The following TMEM74 variants were observed in gnomAD, a reference collection of about 807,000 sequenced individuals.
TMEM74 encodes the protein transmembrane protein 74.
A neutral mutation model predicts 18.1 loss-of-function variants in TMEM74; 13 were observed. The ratio of observed to expected loss-of-function variants is 0.72; its 90% CI spans 0.47 to 1.14. The LOEUF is 1.14. TMEM74 is among the 50% of genes most tolerant of loss of function. TMEM74 has a pLI of 0.00. For synonymous variants in TMEM74, 159 were observed against 146.6 expected (o/e 1.08, Z -0.61); for missense variants, 372 against 375.9 (o/e 0.99, Z 0.09).
intron 2 of TMEM74, among the ~76,000 whole-genome samples, chr8:108,645,928 G>A (rs1424464201): frequency 1.3e-5 from 2 of 152,112 alleles, no homozygotes; most frequent in East Asian, 3.9e-4. Flanking sequence ...GATTTAAATA[G>A]GTTGAATTGT....
chr8:108,688,362 G>T (rs549739875), intron 1 of TMEM74, among the ~76,000 whole-genome samples: 2 of 152,300 alleles, frequency 1.3e-5, no homozygotes, highest in South Asian at 4.2e-4. Flanking sequence ...CACAACTCAT[G>T]TTCACGCTCA....
At chr8:108,682,652 G>A (rs1265876072) in intron 1 of TMEM74, among the ~76,000 whole-genome samples, 1 of 151,906 alleles carries the variant, frequency 6.6e-6, no homozygotes, top group African/African-American at 2.4e-5. Flanking sequence ...GATTTCAAAA[G>A]CTCTATCCAC....
At chr8:108,640,295 G>T (rs1283256124) in intron 2 of TMEM74, among the ~76,000 whole-genome samples, 1 of 151,472 alleles carries the variant, frequency 6.6e-6, no homozygotes, top group East Asian at 1.9e-4. Flanking sequence ...TGTGTTTTTA[G>T]TAGAGACAGG....
chr8:108,626,059 T>C (rs1428965877), intron 2 of TMEM74, among the ~76,000 whole-genome samples: 3 of 152,058 alleles, frequency 2.0e-5, no homozygotes, highest in Admixed American at 2.0e-4. Context: ...TATTAAACAA[T>C]AATTCAACAT....
At chr8:108,667,871 T>A (rs1812964943) in intron 1 of TMEM74, among the ~76,000 whole-genome samples, 1 of 152,106 alleles carries the variant, frequency 6.6e-6, no homozygotes, top group Non-Finnish European at 1.5e-5. Flanking sequence ...ATGAACGAAA[T>A]TGAACGCCTA....
At chr8:108,723,583 A>G (rs541895919) in intron 1 of TMEM74, among the ~76,000 whole-genome samples, 1 of 152,368 alleles carries the variant, frequency 6.6e-6, no homozygotes, top group Admixed American at 6.5e-5. Flanking sequence ...TGAGGCAATC[A>G]ACTATAAATG....
chr8:108,751,568 C>T (rs1027579049), intron 1 of TMEM74, among the ~76,000 whole-genome samples: 4 of 152,074 alleles, frequency 2.6e-5, no homozygotes, highest in South Asian at 4.1e-4. Flanking sequence ...AAATCAATAG[C>T]TGTATGTTAT....
At chr8:108,718,458 C>T (rs1244760490) in intron 1 of TMEM74, among the ~76,000 whole-genome samples, 1 of 152,110 alleles carries the variant, frequency 6.6e-6, no homozygotes, top group Non-Finnish European at 1.5e-5. Flanking sequence ...GCCTGCAAAC[C>T]TCTGTTCACA....
At chr8:108,744,475 G>T (rs1002513444) in intron 1 of TMEM74, among the ~76,000 whole-genome samples, 1 of 152,128 alleles carries the variant, frequency 6.6e-6, no homozygotes, top group Admixed American at 6.6e-5. Flanking sequence ...CCTTAAAGGG[G>T]GAAAGGCAGG....
At chr8:108,695,410 G>A (rs1813272158) in intron 1 of TMEM74, among the ~76,000 whole-genome samples, 1 of 152,162 alleles carries the variant, frequency 6.6e-6, no homozygotes, top group Non-Finnish European at 1.5e-5. Context: ...TGTGTGAGAA[G>A]TATTTTGCAA....
At chr8:108,744,488 T>G (rs1454704605) in intron 1 of TMEM74, among the ~76,000 whole-genome samples, 1 of 152,142 alleles carries the variant, frequency 6.6e-6, no homozygotes, top group Non-Finnish European at 1.5e-5. Context: ...AAGGCAGGTA[T>G]GAAGAAGGGC....
intron 1 of TMEM74, among the ~76,000 whole-genome samples, chr8:108,692,962 A>T (rs1246400122): frequency 6.6e-6 from 1 of 151,944 alleles, no homozygotes; most frequent in Non-Finnish European, 1.5e-5. Context: ...AAGGGAACAC[A>T]GTAAAAAATA....
chr8:108,776,539 G>A (rs1011509901), downstream of TMEM74, among the ~76,000 whole-genome samples: 2 of 152,210 alleles, frequency 1.3e-5, no homozygotes, highest in African/African-American at 4.8e-5. Flanking sequence ...ATGGCATGCT[G>A]ATTGGAGTTA....
At chr8:108,624,055 G>T (rs1812469909) in intron 2 of TMEM74, among the ~76,000 whole-genome samples, 1 of 152,052 alleles carries the variant, frequency 6.6e-6, no homozygotes, top group Non-Finnish European at 1.5e-5. Flanking sequence ...GATATGCATA[G>T]TCTTGACAAT....
At chr8:108,655,690 TC>T (rs1178596802) in intron 1 of TMEM74, among the ~76,000 whole-genome samples, 1 of 152,148 alleles carries the variant, frequency 6.6e-6, no homozygotes, top group African/African-American at 2.4e-5. Context: ...TTCTCAGTCT[TC>T]TTCATAGGCA....
chr8:108,711,725 G>T (rs1416518499), intron 1 of TMEM74, among the ~76,000 whole-genome samples: 34 of 152,130 alleles, frequency 2.2e-4, no homozygotes, highest in Admixed American at 2.2e-3. Context: ...GTCACTGCCT[G>T]GCACCAGCCC....
intron 1 of TMEM74, among the ~76,000 whole-genome samples, chr8:108,748,083 A>G (rs1012825653): frequency 2.0e-5 from 3 of 152,100 alleles, no homozygotes; most frequent in African/African-American, 7.2e-5. Context: ...ATAACCAGTA[A>G]TGGGATTGCT....
chr8:108,670,056 A>AT (rs1261527586), intron 1 of TMEM74, among the ~76,000 whole-genome samples: 4 of 151,018 alleles, frequency 2.6e-5, no homozygotes, highest in Non-Finnish European at 5.9e-5. Context: ...AAAAAAAAAA[A>AT]AGGCAATGAA....
At chr8:108,656,557 C>G (rs1812823461) in intron 1 of TMEM74, among the ~76,000 whole-genome samples, 1 of 152,134 alleles carries the variant, frequency 6.6e-6, no homozygotes, top group African/African-American at 2.4e-5. Flanking sequence ...ATTGTTCTAC[C>G]TGTGGTAGTT....
Sources: gnomAD v4.1 joint callset for allele counts (sites outside exome capture counted in the v4.1 genomes callset) on GRCh38, gnomAD v4.1.1 for gene constraint, MANE v1.5 for transcripts, NCBI Gene and HGNC (gene_info 2026-07-23, HGNC 2026-07-21) for gene names.